Variants in MCF2 observed in about 807,000 individuals in gnomAD.
MCF2 encodes proto-oncogene DBL.
MCF2 carries 44 observed loss-of-function variants against 82.5 expected under a neutral mutation model. That is an observed-to-expected ratio of 0.53 (90% CI 0.42 to 0.69). MCF2 has a LOEUF of 0.69. Among genes scored for constraint, MCF2 ranks in the 30% least tolerant of loss-of-function variants. MCF2 has a pLI of 0.00. For missense variants in MCF2, 623 were observed against 663.1 expected, an observed-to-expected ratio of 0.94 and a Z score of 0.66; for synonymous variants, 217 against 224.9, an observed-to-expected ratio of 0.96 and a Z score of 0.32.
intron 1 of MCF2, among the ~76,000 whole-genome samples, chrX:139,697,858 G>T (rs1014130427): frequency 1.8e-5 from 2 of 112,380 alleles, no homozygotes; most frequent in Non-Finnish European, 1.9e-5. Flanking sequence ...ACTTGCTTTG[G>T]GTCAGACGCG....
At chrX:139,642,768 C>T (rs764478991) in exon 1 of MCF2, 64 of 1,032,316 alleles carry the variant, frequency 6.2e-5, no homozygotes, top group Admixed American at 2.1e-4. Flanking sequence ...TAACACATTC[C>T]TCCAATTACT....
intron 13 of MCF2, 133 bp downstream of exon 17, chrX:139,605,580 G>T: frequency 2.1e-6 from 1 of 480,373 alleles, no homozygotes; most frequent in East Asian, 3.8e-5. Context: ...AACAATAAAA[G>T]AAATGCCCAC....
intron 6 of MCF2, among the ~76,000 whole-genome samples, chrX:139,622,892 T>TA (rs752289426): frequency 2.6e-3 from 282 of 108,218 alleles, no homozygotes; most frequent in Non-Finnish European, 4.0e-3. Flanking sequence ...AATAATAAAA[T>TA]AAAAAAAAAC....
intron 1 of MCF2, among the ~76,000 whole-genome samples, chrX:139,652,680 C>A (rs912681568): frequency 9.0e-6 from 1 of 111,132 alleles, no homozygotes; most frequent in Admixed American, 9.6e-5. Flanking sequence ...TCAAACTAGG[C>A]TATTTTGGCT....
At chrX:139,667,863 G>A (rs201975818) in intron 1 of MCF2, among the ~76,000 whole-genome samples, 1 of 112,115 alleles carries the variant, frequency 8.9e-6, no homozygotes, top group East Asian at 2.8e-4. Flanking sequence ...CTCTAGCAGT[G>A]GTAGCATACT....
intron 1 of MCF2, among the ~76,000 whole-genome samples, chrX:139,678,700 T>C (rs950345289): frequency 1.9e-4 from 21 of 112,075 alleles, no homozygotes; most frequent in African/African-American, 6.1e-4. Flanking sequence ...GAAATAAGAA[T>C]GGCCAATGAA....
intron 1 of MCF2, among the ~76,000 whole-genome samples, chrX:139,675,023 A>C (rs1352571727): frequency 9.1e-6 from 1 of 109,322 alleles, no homozygotes; most frequent in Non-Finnish European, 1.9e-5. Flanking sequence ...GTTTGTTTTC[A>C]CTCTTTTTTC....
chrX:139,594,825 C>T (rs1455344955), intron 19 of MCF2, among the ~76,000 whole-genome samples: 1 of 111,202 alleles, frequency 9.0e-6, no homozygotes, highest in Non-Finnish European at 1.9e-5. Context: ...GCAACCTACT[C>T]ACCTGACAAA....
At chrX:139,647,802 G>A (rs1297399215), upstream of MCF2, among the ~76,000 whole-genome samples, 1 of 111,838 alleles carries the variant, frequency 8.9e-6, no homozygotes, top group Non-Finnish European at 1.9e-5. Flanking sequence ...TATTGAAAAC[G>A]AAAGCCACTT....
intron 19 of MCF2, among the ~76,000 whole-genome samples, chrX:139,594,437 C>G (rs1464392625): frequency 2.7e-5 from 3 of 110,474 alleles, no homozygotes; most frequent in East Asian, 2.8e-4. Flanking sequence ...CTACAACTAT[C>G]TGATCTTTGA....
intron 1 of MCF2, among the ~76,000 whole-genome samples, chrX:139,674,280 G>A (rs1295848524): frequency 9.0e-6 from 1 of 111,556 alleles, no homozygotes; most frequent in African/African-American, 3.3e-5. Context: ...TATCCAATTT[G>A]CCTGTCTGTG....
intron 2 of MCF2, among the ~76,000 whole-genome samples, chrX:139,631,834 A>G (rs1702201680): frequency 8.9e-6 from 1 of 111,802 alleles, no homozygotes. Context: ...AAAGGACTTT[A>G]TGTAGTAAGT....
intron 1 of MCF2, among the ~76,000 whole-genome samples, chrX:139,667,337 G>A (rs748395147): frequency 9.1e-6 from 1 of 110,299 alleles, no homozygotes; most frequent in South Asian, 3.9e-4. Context: ...CAGTCATCAG[G>A]GTTCAAGTGA....
chrX:139,671,628 G>A (rs1439609451), intron 1 of MCF2, among the ~76,000 whole-genome samples: 1 of 111,325 alleles, frequency 9.0e-6, no homozygotes, highest in Admixed American at 9.6e-5. Flanking sequence ...GGTTGTAGAT[G>A]TCTGGTGTTA....
At chrX:139,696,298 CTTT>C (rs1569405676) in intron 1 of MCF2, among the ~76,000 whole-genome samples, 1 of 92,393 alleles carries the variant, frequency 1.1e-5, no homozygotes, top group East Asian at 4.2e-4. Context: ...TCCTTCCTTT[CTTT>C]TTCTTTCTTT....
At chrX:139,646,760 A>G (rs747885878), upstream of MCF2, 22 of 826,266 alleles carry the variant, frequency 2.7e-5, no homozygotes, top group East Asian at 6.2e-4. Context: ...TATAAAGCGA[A>G]TTGAAAAAAA....
intron 6 of MCF2, among the ~76,000 whole-genome samples, chrX:139,622,422 T>C (rs1198045299): frequency 6.3e-5 from 7 of 111,385 alleles, no homozygotes; most frequent in Non-Finnish European, 1.3e-4. Context: ...TATAAAGACA[T>C]ATGCACACGT....
chrX:139,696,254 ACCCTCCCTCCCTT>A (rs1307241258), intron 1 of MCF2, among the ~76,000 whole-genome samples: 9 of 104,254 alleles, frequency 8.6e-5, no homozygotes, highest in African/African-American at 2.7e-4. Context: ...AAGAGGGAAT[ACCCTCCCTCCCTT>A]CCCTCCCTCC....
chrX:139,602,492 C>T (rs1930642722), exon 16 of MCF2: 1 of 1,166,459 alleles, frequency 8.6e-7, no homozygotes, highest in African/African-American at 1.8e-5. Context: ...ATCTGAAAAT[C>T]ATCCTTCTGT....
Sources: gnomAD v4.1 joint callset for allele counts (sites outside exome capture counted in the v4.1 genomes callset) on GRCh38, gnomAD v4.1.1 for gene constraint, MANE v1.5 for transcripts, NCBI Gene and HGNC (gene_info 2026-07-23, HGNC 2026-07-21) for gene names.